The following IL18BP variants were observed in gnomAD, a reference collection of about 807,000 sequenced individuals.
The protein encoded by IL18BP is interleukin 18 binding protein, also known as interleukin-18-binding protein.
Under a neutral mutation model 19.9 loss-of-function variants are expected in IL18BP, and 23 were observed. The observed-to-expected ratio is 1.15, with a 90% CI of 0.83 to 1.64. The LOEUF (loss-of-function observed/expected upper bound fraction) is 1.64, where lower values mean the gene tolerates loss of function less well. IL18BP is among the 40% of genes most tolerant of loss of function. The probability of loss-of-function intolerance (pLI) is 0.00; values close to 1 mark genes in which losing one functional copy is unlikely to be tolerated. For synonymous variants in IL18BP, 107 were observed against 101.0 expected, an observed-to-expected ratio of 1.06 and a Z score of -0.35; for missense variants, 239 against 240.7, an observed-to-expected ratio of 0.99 and a Z score of 0.05.
downstream of IL18BP, chr11:72,005,764 G>A (rs1955642773): frequency 7.8e-6 from 4 of 512,328 alleles, no homozygotes; most frequent in Middle Eastern, 4.8e-4. Flanking sequence ...CACCGCCTGA[G>A]AAGGGCATGG....
chr11:72,004,282 C>T (rs778860762), downstream of IL18BP: 10 of 1,613,374 alleles, frequency 6.2e-6, no homozygotes, highest in East Asian at 2.2e-5. Flanking sequence ...TCTGTTTGCG[C>T]CCTTCATGTC....
At chr11:72,004,835 TG>T, downstream of IL18BP, 1 of 1,550,710 alleles carries the variant, frequency 6.4e-7, no homozygotes, top group Non-Finnish European at 8.7e-7. Flanking sequence ...GTGGAAGAGG[TG>T]GTCAGTGGAC....
downstream of IL18BP, chr11:72,006,309 G>A (rs1955693406): frequency 2.0e-6 from 3 of 1,534,832 alleles, no homozygotes; most frequent in South Asian, 1.1e-5. Flanking sequence ...CCCTGGCACT[G>A]TACAGAAGCT....
At chr11:72,007,094 A>C (rs1324335201), downstream of IL18BP, 1 of 1,457,212 alleles carries the variant, frequency 6.9e-7, no homozygotes, top group Non-Finnish European at 9.3e-7. Flanking sequence ...CTGGCTGCTC[A>C]TCCCTCCCTG....
At chr11:72,006,933 C>T (rs943777064), downstream of IL18BP, among the ~76,000 whole-genome samples, 1 of 152,232 alleles carries the variant, frequency 6.6e-6, no homozygotes, top group Non-Finnish European at 1.5e-5. Flanking sequence ...CTCCCTTCAC[C>T]CTGCACAGGC....
chr11:72,004,029 C>T (rs1454537557), downstream of IL18BP: 81 of 1,613,624 alleles, frequency 5.0e-5, no homozygotes, highest in Non-Finnish European at 6.4e-5. Flanking sequence ...GGCTCCCCGC[C>T]GCAGAAGGCT....
chr11:71,999,145 G>A (rs759407046), intron 1 of IL18BP, 126 bp downstream of exon 1: 1 of 517,510 alleles, frequency 1.9e-6, no homozygotes, highest in East Asian at 5.5e-5. Flanking sequence ...GTGGCTGGGG[G>A]AGTGGGTAGC....
downstream of IL18BP, chr11:72,004,513 G>T: frequency 1.6e-6 from 2 of 1,232,844 alleles, no homozygotes; most frequent in Admixed American, 2.3e-5. Flanking sequence ...CATGGGTCAG[G>T]CCCTTGGAGA....
chr11:72,003,323 T>C (rs548120660), downstream of IL18BP: 6 of 613,694 alleles, frequency 9.8e-6, no homozygotes, highest in East Asian at 1.7e-4. Context: ...CTGTCCATGC[T>C]CCAGGCCCCC....
rs1031601080 is a variant in IL18BP at position 72,002,728 on chromosome 11, G to C, written c.*867G>C. Reference sequence around the variant, plus strand: ...AGCAGAGGCCACTAATGGAGAGTGGGAAGAGCCTGGAAAGATGTGGCCTCA... The same window carrying C: ...AGCAGAGGCCACTAATGGAGAGTGGCAAGAGCCTGGAAAGATGTGGCCTCA... On this transcript the variant is annotated 3_prime_UTR_variant, in exon 6 of 6. Transcript: ENST00000393703. The C allele has an allele frequency of 1.1e-5, 2 of 179,090 alleles. No individual in the cohort carries two copies. Among genetic ancestry groups the C allele is most frequent in the African/African-American group, 4.7e-5 (2 of 42,326 alleles). The allele number at this position is 179,090 out of a possible 1,614,324, so 11.1% of individuals were successfully genotyped here.
downstream of IL18BP, chr11:72,007,396 A>G (rs201637592): frequency 1.2e-6 from 2 of 1,613,824 alleles, no homozygotes; most frequent in African/African-American, 1.3e-5. Flanking sequence ...CTGGTTCTCC[A>G]GGGACGCTGG....
Position 72,002,730 on chromosome 11 carries a change from A to G in IL18BP, c.*869A>G. The G allele has an allele frequency of 5.6e-6, 1 of 178,978 alleles. No individual in the cohort carries two copies. Among genetic ancestry groups the G allele is most frequent in the Non-Finnish European group, 1.2e-5 (1 of 83,284 alleles). The allele number at this position is 178,978 out of a possible 1,614,324, so 11.1% of individuals were successfully genotyped here. ...CAGAGGCCACTAATGGAGAGTGGGA[A>G]GAGCCTGGAAAGATGTGGCCTCAGG... On this transcript the variant is annotated 3_prime_UTR_variant, in exon 6 of 6. Transcript: ENST00000393703.
downstream of IL18BP, chr11:72,003,566 A>T (rs751502970): frequency 6.2e-7 from 1 of 1,614,072 alleles, no homozygotes; most frequent in Admixed American, 1.7e-5. Flanking sequence ...ACATGGCCAG[A>T]TGAGAACTTG....
rs947074599 is a variant in IL18BP, at chr11:71,998,932, C to T, written c.-146C>T. 4 of 188,866 alleles carry T rather than the reference C, an allele frequency of 2.1e-5. No homozygotes were observed. Among genetic ancestry groups the T allele is most frequent in the Non-Finnish European group, 3.4e-5 (3 of 87,900 alleles). The allele number at this position is 188,866 out of a possible 1,614,324, so 11.7% of individuals were successfully genotyped here. A position where few individuals can be genotyped will look rare whatever the true frequency, so the allele number is the denominator to read the frequency against. On this transcript the variant is annotated 5_prime_UTR_variant, in exon 1 of 6. It adds an upstream start codon to the 5' untranslated region. Coordinates refer to ENST00000393703, the MANE Select transcript of IL18BP (RefSeq NM_001039660.2). Reference sequence around the variant, plus strand: ...GTGTATTTCCTGTGGTGGGTTCACACGCAGCTAGACACAGCTAACTTGAGT... The same window carrying T: ...GTGTATTTCCTGTGGTGGGTTCACATGCAGCTAGACACAGCTAACTTGAGT...
At chr11:72,007,160 C>A (rs766405504), downstream of IL18BP, 1 of 1,600,646 alleles carries the variant, frequency 6.2e-7, no homozygotes, top group Admixed American at 1.7e-5. Context: ...GGAATTGCTG[C>A]CCTGCAGCCC....
At chr11:72,007,424 C>A (rs759463716), downstream of IL18BP, 11 of 1,613,460 alleles carry the variant, frequency 6.8e-6, no homozygotes, top group Non-Finnish European at 9.3e-6. Flanking sequence ...TGGCTGGGTA[C>A]GAGGCAGCTT....
intron 1 of IL18BP, chr11:71,999,294 A>G: frequency 2.5e-6 from 1 of 397,188 alleles, no homozygotes; most frequent in Admixed American, 3.0e-5. Flanking sequence ...GCCTGTTCAT[A>G]TGGAAACAAA....
chr11:72,006,188 T>C (rs1565188387), downstream of IL18BP: 3 of 1,614,124 alleles, frequency 1.9e-6, no homozygotes, highest in Non-Finnish European at 1.7e-6. Flanking sequence ...GCTCGCAGGC[T>C]AGCCTGGGAA....
In IL18BP at chr11:72,000,073, G is replaced by C. The variant is rs1229423582; in HGVS notation, c.28+61G>C. ...GGGTGAGGTCTATGAACAGAATGGA[G>C]CAATGGGCTAACCCGGAGCCTTCAC... On this transcript the variant is annotated intron_variant, in intron 2 of 5. Transcript: ENST00000393703. 2.5e-6 allele frequency: 4 copies of C among 1,574,340 alleles called. No homozygotes were observed. The African/African-American group carries it at 4.1e-5, about 16-fold the overall frequency.
Sources: allele counts gnomAD v4.1 joint callset (sites outside exome capture counted in the v4.1 genomes callset), GRCh38; gene constraint gnomAD v4.1.1; transcripts MANE v1.5; gene names NCBI Gene and HGNC (gene_info 2026-07-23, HGNC 2026-07-21).